The following RNF180 variants were observed in gnomAD, a reference collection of about 807,000 sequenced individuals.
RNF180 encodes ring finger protein 180, also known as E3 ubiquitin-protein ligase RNF180.
A neutral mutation model predicts 59.2 loss-of-function variants in RNF180; 38 were observed. That is an observed-to-expected ratio of 0.64 (90% CI 0.50 to 0.84). The LOEUF is 0.84. RNF180 is among the 40% of genes least tolerant of loss of function. RNF180 has a pLI of 0.00. For synonymous variants in RNF180, 262 were observed against 240.3 expected (o/e 1.09, Z -0.84); for missense variants, 705 against 700.9 (o/e 1.01, Z -0.07).
chr5:64,267,922 T>C (rs1357860224), intron 5 of RNF180, among the ~76,000 whole-genome samples: 1 of 152,186 alleles, frequency 6.6e-6, no homozygotes, highest in African/African-American at 2.4e-5. Context: ...ATTTGTCTTC[T>C]ACATTTATCA....
chr5:64,356,442 G>C (rs919987634), intron 7 of RNF180, among the ~76,000 whole-genome samples: 2 of 151,824 alleles, frequency 1.3e-5, no homozygotes, highest in Non-Finnish European at 2.9e-5. Flanking sequence ...ATTGCTGGGA[G>C]AAATGTAAAT....
At chr5:64,203,982 C>T (rs1483203327) in intron 2 of RNF180, among the ~76,000 whole-genome samples, 1 of 152,008 alleles carries the variant, frequency 6.6e-6, no homozygotes, top group East Asian at 1.9e-4. Flanking sequence ...TGAAAGGTTG[C>T]TAAATTTATC....
chr5:64,218,300 A>G (rs1355391664), intron 5 of RNF180, among the ~76,000 whole-genome samples: 2 of 152,206 alleles, frequency 1.3e-5, no homozygotes, highest in Admixed American at 6.5e-5. Context: ...TTAATTTGTA[A>G]TAAGTTGTGA....
chr5:64,236,719 G>GC (rs1202898779), intron 5 of RNF180, among the ~76,000 whole-genome samples: 2 of 152,228 alleles, frequency 1.3e-5, no homozygotes, highest in Admixed American at 6.5e-5. Flanking sequence ...GCCATTCCAG[G>GC]CCCCCTGCTG....
intron 1 of RNF180, among the ~76,000 whole-genome samples, chr5:64,171,812 G>C (rs1749949655): frequency 1.3e-5 from 2 of 152,052 alleles, no homozygotes; most frequent in East Asian, 1.9e-4. Flanking sequence ...CCTAAAATTT[G>C]TTTTAATTTT....
intron 7 of RNF180, among the ~76,000 whole-genome samples, chr5:64,345,405 ACTAT>A (rs1187818342): frequency 1.3e-5 from 2 of 152,218 alleles, no homozygotes; most frequent in Admixed American, 6.5e-5. Flanking sequence ...GGGAAAGATA[ACTAT>A]CCATAGGGGT....
rs142313742 is a variant in RNF180 at position 64,334,274 on chromosome 5, C to T, written c.1579+3868C>T. On this transcript the variant is annotated intron_variant, in intron 7 of 7. Transcript: ENST00000389100. Reference sequence around the variant, plus strand: ...GACACAGAAGGACCTCTGCCCAAGCCGTCAGATAGATATAAGTAGTAACAA... The same window carrying T: ...GACACAGAAGGACCTCTGCCCAAGCTGTCAGATAGATATAAGTAGTAACAA... Among the ~76,000 whole-genome samples the T allele has an allele frequency of 3.6e-3, 548 of 152,166 alleles. 3 individuals carry two copies. The highest frequency in any genetic ancestry group is 0.013 in the African/African-American group (529 of 41,512).
At chr5:64,170,665 C>G (rs1579914952) in intron 1 of RNF180, among the ~76,000 whole-genome samples, 1 of 152,142 alleles carries the variant, frequency 6.6e-6, no homozygotes. Context: ...AAGCCATCCA[C>G]AGTGTGAAGT....
intron 5 of RNF180, among the ~76,000 whole-genome samples, chr5:64,256,992 G>C (rs1414173226): frequency 1.3e-5 from 2 of 152,094 alleles, no homozygotes; most frequent in African/African-American, 4.8e-5. Flanking sequence ...CTCCTGATTT[G>C]GCTCTCTGTT....
At chr5:64,349,761 G>C (rs868286061) in intron 7 of RNF180, among the ~76,000 whole-genome samples, 1 of 151,982 alleles carries the variant, frequency 6.6e-6, no homozygotes, top group African/African-American at 2.4e-5. Flanking sequence ...TACAAAGGAC[G>C]TGAACTCATC....
intron 1 of RNF180, among the ~76,000 whole-genome samples, chr5:64,186,701 T>C (rs969702395): frequency 6.6e-5 from 10 of 152,174 alleles, no homozygotes; most frequent in Non-Finnish European, 1.3e-4. Context: ...ATTGGGACCT[T>C]CATTAAAATT....
chr5:64,307,523 A>G (rs535452248), intron 5 of RNF180, among the ~76,000 whole-genome samples: 11 of 151,810 alleles, frequency 7.2e-5, no homozygotes, highest in African/African-American at 2.7e-4. Context: ...TGTTTAGTAT[A>G]AATCTGAGTG....
intron 5 of RNF180, among the ~76,000 whole-genome samples, chr5:64,268,590 TATACATGGAGGAGGA>T (rs1744822312): frequency 6.6e-6 from 1 of 152,152 alleles, no homozygotes; most frequent in Non-Finnish European, 1.5e-5. Flanking sequence ...AAATACCCCT[TATACATGGAGGAGGA>T]GAACATACCA....
intron 5 of RNF180, among the ~76,000 whole-genome samples, chr5:64,271,417 C>T (rs1344732842): frequency 6.6e-6 from 1 of 151,970 alleles, no homozygotes; most frequent in Non-Finnish European, 1.5e-5. Flanking sequence ...TGTATAACAA[C>T]ACTGCATTCA....
chr5:64,228,915 C>CTTTT (rs373212886), intron 5 of RNF180, among the ~76,000 whole-genome samples: 58 of 98,490 alleles, frequency 5.9e-4, no homozygotes, highest in African/African-American at 9.1e-4. Context: ...TCTATTACTG[C>CTTTT]TTTTTTTTTT....
chr5:64,316,552 G>C (rs575867888), intron 5 of RNF180, among the ~76,000 whole-genome samples: 2 of 152,258 alleles, frequency 1.3e-5, no homozygotes, highest in East Asian at 3.9e-4. Context: ...CTGATATTTA[G>C]GGTTTAAGGT....
intron 1 of RNF180, among the ~76,000 whole-genome samples, chr5:64,172,197 T>A (rs1286989310): frequency 6.6e-6 from 1 of 152,176 alleles, no homozygotes; most frequent in Non-Finnish European, 1.5e-5. Context: ...TTAGCGTAAA[T>A]GCTGACAGAC....
Position 64,369,072 on chromosome 5 carries a change from A to G in RNF180, c.1580-543A>G, listed in dbSNP as rs547156580. Among the ~76,000 whole-genome samples the G allele has an allele frequency of 2.6e-5, 4 of 152,216 alleles. No homozygotes were observed. In the East Asian group the frequency reaches 7.8e-4, roughly 30 times the overall value. On this transcript the variant is annotated intron_variant, in intron 7 of 7. Transcript: ENST00000389100. The stretch of plus-strand genomic sequence containing the variant: ...CTTGGAACCAACCCAAATGTCCAAC[A>G]ATGATAGATTGGATTAAGAAAATGT...
chr5:64,229,386 C>T (rs183405028), intron 5 of RNF180, among the ~76,000 whole-genome samples: 137 of 152,252 alleles, frequency 9.0e-4, no homozygotes, highest in Middle Eastern at 3.4e-3. Context: ...AAATTCTCTT[C>T]TAGAGCAAAA....
Sources: gnomAD v4.1 joint callset for allele counts (sites outside exome capture counted in the v4.1 genomes callset) on GRCh38, gnomAD v4.1.1 for gene constraint, MANE v1.5 for transcripts, NCBI Gene and HGNC (gene_info 2026-07-23, HGNC 2026-07-21) for gene names.